The following TDRD1 variants were observed in gnomAD, a reference collection of about 807,000 sequenced individuals.
TDRD1 encodes the protein tudor domain-containing protein 1.
TDRD1 carries 37 observed loss-of-function variants against 140.6 expected under a neutral mutation model. The ratio of observed to expected loss-of-function variants is 0.26; its 90% CI spans 0.20 to 0.35. The LOEUF (loss-of-function observed/expected upper bound fraction) is 0.35. Among genes scored for constraint, TDRD1 ranks in the 10% least tolerant of loss-of-function variants. The probability of loss-of-function intolerance (pLI) is 1.00; values close to 1 mark genes in which losing one functional copy is unlikely to be tolerated. For missense variants in TDRD1, 1,243 were observed against 1,393.0 expected, an observed-to-expected ratio of 0.89 and a Z score of 1.71; for synonymous variants, 506 against 475.7, an observed-to-expected ratio of 1.06 and a Z score of -0.83.
intron 18 of TDRD1, among the ~76,000 whole-genome samples, chr10:114,219,704 C>T (rs1317263183): frequency 1.3e-5 from 2 of 151,710 alleles, no homozygotes; most frequent in Non-Finnish European, 2.9e-5. Context: ...TCTCCTACCT[C>T]ATCAGCCTCC....
chr10:114,193,311 T>TG (rs869213575), intron 3 of TDRD1, among the ~76,000 whole-genome samples: 1 of 145,534 alleles, frequency 6.9e-6, no homozygotes, highest in Non-Finnish European at 1.5e-5. Context: ...TTTTTTTTTT[T>TG]GAGACAGTTT....
intron 3 of TDRD1, among the ~76,000 whole-genome samples, chr10:114,191,347 G>A (rs1424405336): frequency 6.6e-6 from 1 of 152,240 alleles, no homozygotes; most frequent in East Asian, 1.9e-4. Flanking sequence ...TATATACCTT[G>A]TTGCTTATGT....
At chr10:114,188,974 A>G (rs2033761829) in intron 2 of TDRD1, among the ~76,000 whole-genome samples, 2 of 151,656 alleles carry the variant, frequency 1.3e-5, no homozygotes, top group African/African-American at 4.8e-5. Context: ...ACATGGTGAT[A>G]TAATTCTCAG....
At chr10:114,187,343 G>A (rs1029450610) in intron 1 of TDRD1, among the ~76,000 whole-genome samples, 1 of 152,156 alleles carries the variant, frequency 6.6e-6, no homozygotes, top group Non-Finnish European at 1.5e-5. Context: ...CAGTGAGTGC[G>A]AGGGCATTCT....
chr10:114,211,104 A>G (rs998100429), intron 13 of TDRD1, 137 bp downstream of exon 13: 9 of 666,326 alleles, frequency 1.4e-5, no homozygotes, highest in Non-Finnish European at 2.2e-5. Context: ...GAGTGAACCA[A>G]TCATGTTTTT....
At chr10:114,221,292 T>C in intron 19 of TDRD1, 65 bp from the exon 20 acceptor site, 2 of 1,443,826 alleles carry the variant, frequency 1.4e-6, no homozygotes, top group Non-Finnish European at 9.6e-7. Flanking sequence ...TTAAATATGT[T>C]ACTGAGGAAA....
At chr10:114,195,844 T>C (rs186516138) in intron 3 of TDRD1, among the ~76,000 whole-genome samples, 2 of 152,332 alleles carry the variant, frequency 1.3e-5, no homozygotes, top group East Asian at 3.9e-4. Context: ...TTCTTGTGGG[T>C]TACTTGAATA....
chr10:114,225,618 C>T (rs1407141046), intron 21 of TDRD1, among the ~76,000 whole-genome samples: 8 of 151,510 alleles, frequency 5.3e-5, no homozygotes, highest in Admixed American at 1.3e-4. Context: ...CCATCACTTT[C>T]GGAGGCTGAG....
chr10:114,226,629 A>G (rs949692861), intron 22 of TDRD1, among the ~76,000 whole-genome samples: 5 of 152,214 alleles, frequency 3.3e-5, no homozygotes, highest in Non-Finnish European at 7.3e-5. Context: ...CTACCTTATG[A>G]AAGATAAATC....
chr10:114,213,891 T>C (rs1589699101), intron 15 of TDRD1, 86 bp from the exon 16 acceptor site: 1 of 1,244,312 alleles, frequency 8.0e-7, no homozygotes, highest in African/African-American at 1.5e-5. Flanking sequence ...GGAAATTCAG[T>C]TCTTCAAAAG....
chr10:114,192,684 A>G (rs535560323), intron 3 of TDRD1, among the ~76,000 whole-genome samples: 4 of 152,228 alleles, frequency 2.6e-5, no homozygotes, highest in African/African-American at 4.8e-5. Flanking sequence ...TGTATATTCA[A>G]TTGCTCCAGT....
chr10:114,210,647 T>C, exon 12 of TDRD1: 1 of 1,612,350 alleles, frequency 6.2e-7, no homozygotes, highest in South Asian at 1.1e-5. Context: ...AGTGACCTAA[T>C]CCCAAAAGTG....
upstream of TDRD1, among the ~76,000 whole-genome samples, chr10:114,176,644 A>G (rs1279769238): frequency 6.6e-6 from 1 of 152,198 alleles, no homozygotes; most frequent in African/African-American, 2.4e-5. The surrounding 1 kb of genome is among the most constrained non-coding windows in gnomAD (Gnocchi z 4.2). Context: ...ATGGCCAGGC[A>G]CTATGGCTCA....
intron 3 of TDRD1, among the ~76,000 whole-genome samples, chr10:114,195,733 C>T (rs1247620111): frequency 6.6e-6 from 1 of 152,060 alleles, no homozygotes; most frequent in Non-Finnish European, 1.5e-5. Flanking sequence ...TTTTTTAATT[C>T]ACTAGGGCAG....
rs1308846258 is a variant in TDRD1 at position 114,199,413 on chromosome 10, A to AC, written c.529+97dup. On this transcript the variant is annotated intron_variant, in intron 4 of 25. Coordinates refer to ENST00000251864, the Ensembl canonical transcript of TDRD1. ...TGATGAAACATTAAGTGTAATTAGA[A>AC]CAGTGTCCCCATGCCACACACCCGT... The AC allele has an allele frequency of 2.1e-6, 3 of 1,458,098 alleles. No individual in the cohort carries two copies. In the African/African-American group the frequency reaches 4.3e-5, roughly 21 times the overall value. The allele number at this position is 1,458,098 out of a possible 1,614,324, so 90.3% of individuals were successfully genotyped here. A position where few individuals can be genotyped will look rare whatever the true frequency, so the allele number is the denominator to read the frequency against.
intron 11 of TDRD1, among the ~76,000 whole-genome samples, chr10:114,206,611 G>GTTTTTTTTTTTTTTTTTTTTTT (rs33936742): frequency 9.4e-6 from 1 of 105,992 alleles, no homozygotes; most frequent in Non-Finnish European, 2.0e-5. Context: ...GTTAGGGTTT[G>GTTTTTTTTTTTTTTTTTTTTTT]TTTTTTTTTT....
chr10:114,181,015 G>A (rs985512955), intron 1 of TDRD1, among the ~76,000 whole-genome samples: 2 of 152,220 alleles, frequency 1.3e-5, no homozygotes, highest in Non-Finnish European at 2.9e-5. Flanking sequence ...AGAAAAGAGA[G>A]GGTCTACCCT....
At chr10:114,180,408 T>C (rs1300743819) in intron 1 of TDRD1, among the ~76,000 whole-genome samples, 1 of 152,238 alleles carries the variant, frequency 6.6e-6, no homozygotes, top group Non-Finnish European at 1.5e-5. Flanking sequence ...CTTACCTGGC[T>C]GACTTAAGAG....
At chr10:114,216,280 G>A (rs571269939) in intron 16 of TDRD1, among the ~76,000 whole-genome samples, 16 of 152,280 alleles carry the variant, frequency 1.1e-4, no homozygotes, top group Non-Finnish European at 2.1e-4. Flanking sequence ...CCACATTGCT[G>A]TTTAGTCTCT....
Sources: allele counts gnomAD v4.1 joint callset (sites outside exome capture counted in the v4.1 genomes callset), GRCh38; gene constraint gnomAD v4.1.1; non-coding constraint Gnocchi (gnomAD v3.1); transcripts MANE v1.5; gene names NCBI Gene and HGNC (gene_info 2026-07-23, HGNC 2026-07-21).